Variants in CPEB3 observed in about 807,000 individuals in gnomAD.
CPEB3 encodes cytoplasmic polyadenylation element-binding protein 3.
Under a neutral mutation model 67.2 loss-of-function variants are expected in CPEB3, and 20 were observed. The observed-to-expected ratio is 0.30, with a 90% CI of 0.21 to 0.43. The LOEUF is 0.43. Among genes scored for constraint, CPEB3 ranks in the 20% least tolerant of loss-of-function variants. The pLI is 1.00. For missense variants in CPEB3, 746 were observed against 968.6 expected, an observed-to-expected ratio of 0.77 and a Z score of 3.05; for synonymous variants, 376 against 393.1, an observed-to-expected ratio of 0.96 and a Z score of 0.51.
chr10:92,103,045 C>T (rs973274512), intron 7 of CPEB3, among the ~76,000 whole-genome samples: 3 of 152,194 alleles, frequency 2.0e-5, no homozygotes, highest in Non-Finnish European at 4.4e-5. Context: ...TCCTGAGGTG[C>T]TGACACTGGT....
At chr10:92,233,243 T>G (rs1851359208) in intron 2 of CPEB3, among the ~76,000 whole-genome samples, 1 of 151,622 alleles carries the variant, frequency 6.6e-6, no homozygotes, top group South Asian at 2.1e-4. Context: ...AAAAAGAAAG[T>G]GGGGGCCAGA....
chr10:92,253,805 G>C (rs966352843), intron 1 of CPEB3, among the ~76,000 whole-genome samples: 3 of 152,130 alleles, frequency 2.0e-5, no homozygotes, highest in African/African-American at 7.2e-5. Context: ...GAAAAAAATA[G>C]TATGATCTGG....
intron 6 of CPEB3, among the ~76,000 whole-genome samples, chr10:92,115,823 G>GA (rs1404129448): frequency 2.0e-5 from 3 of 151,568 alleles, no homozygotes; most frequent in South Asian, 2.1e-4. Context: ...AAATGTATGT[G>GA]AAAAAACAAA....
chr10:92,094,725 T>G (rs1843777887), intron 7 of CPEB3, among the ~76,000 whole-genome samples: 1 of 152,062 alleles, frequency 6.6e-6, no homozygotes, highest in Non-Finnish European at 1.5e-5. Context: ...TTTAAATGCC[T>G]TCATGAGGAC....
At chr10:92,195,030 C>T (rs552015179) in intron 2 of CPEB3, among the ~76,000 whole-genome samples, 46 of 137,578 alleles carry the variant, frequency 3.3e-4, no homozygotes, top group Non-Finnish European at 6.4e-4. Context: ...GGCGACAGAG[C>T]GAGACTGTCT....
intron 6 of CPEB3, 43 bp from the exon 7 acceptor site, chr10:92,111,237 C>G: frequency 8.1e-7 from 1 of 1,228,846 alleles, no homozygotes; most frequent in Non-Finnish European, 1.2e-6. Flanking sequence ...AGAATCAGTA[C>G]ATTAAACTCA....
intron 2 of CPEB3, among the ~76,000 whole-genome samples, chr10:92,229,824 C>T (rs1851178741): frequency 1.3e-5 from 2 of 152,208 alleles, no homozygotes; most frequent in Admixed American, 6.5e-5. Context: ...GCAGGGAGAT[C>T]ACCTGAGGTC....
chr10:92,224,888 A>C (rs1195497813), intron 2 of CPEB3, among the ~76,000 whole-genome samples: 1 of 147,680 alleles, frequency 6.8e-6, no homozygotes, highest in Non-Finnish European at 1.5e-5. Context: ...TATATATATA[A>C]ATTTAAAAAT....
At position 92,184,620 on chromosome 10, in the gene CPEB3, A is replaced by G. The variant is rs548660060; in HGVS notation, c.1166-3601T>C. On this transcript the variant is annotated intron_variant, in intron 3 of 9. Transcript: ENST00000265997. ...CTCTGTCTCAAAAAGAAAAGAAAAG[A>G]AAAGACACTCTGGGTCGAGAAGGCC... is the stretch of plus-strand genomic sequence containing the variant. Among the ~76,000 whole-genome samples, 8 of 152,290 alleles carry G rather than the reference A, an allele frequency of 5.3e-5. No homozygotes were observed. The East Asian group carries it at 1.4e-3, about 26-fold the overall frequency.
chr10:92,114,307 A>T, intron 6 of CPEB3, among the ~76,000 whole-genome samples: 1 of 152,248 alleles, frequency 6.6e-6, no homozygotes, highest in East Asian at 1.9e-4. Context: ...AGGATTTTTT[A>T]AAATCAGGAA....
chr10:92,210,057 T>A (rs1339441055), intron 2 of CPEB3, among the ~76,000 whole-genome samples: 1 of 151,696 alleles, frequency 6.6e-6, no homozygotes, highest in Non-Finnish European at 1.5e-5. Flanking sequence ...ACTATTTATA[T>A]AATTATATAC....
chr10:92,242,256 C>T (rs978535596), intron 1 of CPEB3, among the ~76,000 whole-genome samples: 30 of 152,180 alleles, frequency 2.0e-4, no homozygotes, highest in Non-Finnish European at 4.0e-4. Flanking sequence ...TTCAACCCCC[C>T]CAGGGAAAAA....
chr10:92,105,696 T>G (rs553210035), intron 7 of CPEB3, among the ~76,000 whole-genome samples: 1 of 151,664 alleles, frequency 6.6e-6, no homozygotes, highest in South Asian at 2.1e-4. Flanking sequence ...TACTGTGTAT[T>G]TATATACTTG....
intron 7 of CPEB3, among the ~76,000 whole-genome samples, chr10:92,105,669 G>A (rs1378629516): frequency 1.3e-5 from 2 of 148,342 alleles, no homozygotes; most frequent in South Asian, 2.1e-4. Flanking sequence ...AACCTTTTAT[G>A]TGCTAGGTTC....
At chr10:92,200,371 C>G (rs1228374137) in intron 2 of CPEB3, among the ~76,000 whole-genome samples, 2 of 151,816 alleles carry the variant, frequency 1.3e-5, no homozygotes, top group Non-Finnish European at 2.9e-5. Flanking sequence ...ATGGAGAAAC[C>G]CTGTCTCTAC....
chr10:92,084,930 G>A (rs1843313077), intron 8 of CPEB3, among the ~76,000 whole-genome samples: 1 of 152,076 alleles, frequency 6.6e-6, no homozygotes. Context: ...CCCTTGAAGG[G>A]AAGTAAACAA....
chr10:92,145,894 G>A (rs1846656310), intron 4 of CPEB3, among the ~76,000 whole-genome samples: 1 of 152,144 alleles, frequency 6.6e-6, no homozygotes, highest in East Asian at 1.9e-4. Context: ...GGTGACAGAG[G>A]CTGATAACTT....
At chr10:92,245,677 G>C (rs371878944) in intron 1 of CPEB3, among the ~76,000 whole-genome samples, 1 of 152,218 alleles carries the variant, frequency 6.6e-6, no homozygotes, top group East Asian at 1.9e-4. Context: ...ATCAACCCAA[G>C]GTTAATGTTA....
At chr10:92,213,063 T>C (rs914489536) in intron 2 of CPEB3, among the ~76,000 whole-genome samples, 1 of 152,198 alleles carries the variant, frequency 6.6e-6, no homozygotes, top group Non-Finnish European at 1.5e-5. Context: ...AATTCCTGCA[T>C]TCCGAAGTTT....
Sources: gnomAD v4.1 joint callset for allele counts (sites outside exome capture counted in the v4.1 genomes callset) on GRCh38, gnomAD v4.1.1 for gene constraint, MANE v1.5 for transcripts, NCBI Gene and HGNC (gene_info 2026-07-23, HGNC 2026-07-21) for gene names.